Variants in DCK observed in about 807,000 individuals in gnomAD.
DCK encodes deoxycytidine kinase, also known as deoxyadenosine kinase.
Under a neutral mutation model 38.3 loss-of-function variants are expected in DCK, and 23 were observed. The ratio of observed to expected loss-of-function variants is 0.60; its 90% CI spans 0.43 to 0.85. The LOEUF is 0.85. DCK is among the 40% of genes least tolerant of loss of function. The probability of loss-of-function intolerance (pLI) is 0.00; values close to 1 mark genes in which losing one functional copy is unlikely to be tolerated. For missense variants in DCK, 259 were observed against 304.4 expected, an observed-to-expected ratio of 0.85 and a Z score of 1.11; for synonymous variants, 108 against 100.6, an observed-to-expected ratio of 1.07 and a Z score of -0.44.
At chr4:71,001,680 A>G (rs192785996) in intron 2 of DCK, among the ~76,000 whole-genome samples, 6 of 152,096 alleles carry the variant, frequency 3.9e-5, no homozygotes, top group African/African-American at 4.8e-5. Context: ...TGGTCTGTTC[A>G]TTAAACCAGA....
chr4:71,016,989 A>C, intron 2 of DCK, among the ~76,000 whole-genome samples: 1 of 152,252 alleles, frequency 6.6e-6, no homozygotes. Flanking sequence ...CATCAGAGTG[A>C]ACAGGCAACC....
intron 2 of DCK, among the ~76,000 whole-genome samples, chr4:71,001,249 G>A (rs187812733): frequency 2.6e-5 from 4 of 152,180 alleles, no homozygotes; most frequent in African/African-American, 7.2e-5. Context: ...ATAATCATGC[G>A]GTTTTTGTCA....
Position 70,998,118 on chromosome 4 carries a change from G to A in DCK, c.143G>A (p.Trp48Ter). ...VNILKQLCED[W>*]EVVPEPVARW... ...ATCCTTAAACAATTGTGTGAAGATT[G>A]GGAAGTGGTTCCTGAACCTGTTGCC... is the stretch of plus-strand genomic sequence containing the variant. The change falls in exon 2 of 7, where the codon TGG becomes TAG. Residue 48 changes from tryptophan to a stop codon, truncating the protein, a stop_gained. Coordinates refer to ENST00000286648, the MANE Select transcript of DCK (RefSeq NM_000788.3). LOFTEE classifies it high-confidence loss of function. 6.2e-7 allele frequency: 1 copy of A among 1,609,338 alleles called. No homozygotes were observed. The highest frequency in any genetic ancestry group is 1.1e-5 in the South Asian group (1 of 90,454).
intron 2 of DCK, among the ~76,000 whole-genome samples, chr4:71,017,094 A>G (rs1560685959): frequency 1.3e-5 from 2 of 152,226 alleles, no homozygotes. Flanking sequence ...CAAGAAAAAA[A>G]CAACCCCATC....
chr4:70,998,464 T>C (rs1739708787), intron 2 of DCK, among the ~76,000 whole-genome samples: 5 of 152,170 alleles, frequency 3.3e-5, no homozygotes, highest in South Asian at 2.1e-4. Flanking sequence ...AGCATTTACA[T>C]TGTATTAAGT....
intron 2 of DCK, among the ~76,000 whole-genome samples, chr4:71,000,563 C>T (rs1739777900): frequency 6.6e-6 from 1 of 152,120 alleles, no homozygotes; most frequent in African/African-American, 2.4e-5. Flanking sequence ...TGAAGAAAGT[C>T]AATGGTAGCT....
chr4:71,011,244 T>TC (rs1740082396), intron 2 of DCK, among the ~76,000 whole-genome samples: 1 of 150,680 alleles, frequency 6.6e-6, no homozygotes, highest in Admixed American at 6.6e-5. Flanking sequence ...TTTTTTTTTT[T>TC]TTTTTTTTTT....
chr4:70,995,687 A>G (rs1203499953), intron 1 of DCK, among the ~76,000 whole-genome samples: 2 of 152,188 alleles, frequency 1.3e-5, no homozygotes, highest in African/African-American at 4.8e-5. Context: ...CATCATATTT[A>G]GAAATATTTC....
intron 2 of DCK, among the ~76,000 whole-genome samples, chr4:71,008,662 A>G (rs1740014189): frequency 6.6e-6 from 1 of 152,196 alleles, no homozygotes; most frequent in South Asian, 2.1e-4. Flanking sequence ...AATAGAGGGT[A>G]TTCTTAAACA....
At chr4:71,029,322 A>G (rs199819411) in intron 6 of DCK, 30 bp from the exon 7 acceptor site, 3 of 1,517,348 alleles carry the variant, frequency 2.0e-6, no homozygotes, top group Non-Finnish European at 2.7e-6. Context: ...TCAAGGAATT[A>G]TACTGATTTT....
intron 2 of DCK, among the ~76,000 whole-genome samples, chr4:71,017,960 C>T (rs1175335786): frequency 5.3e-5 from 8 of 151,942 alleles, no homozygotes; most frequent in Non-Finnish European, 1.2e-4. Context: ...CAATTAAAAT[C>T]GTTGTTAAAA....
At chr4:71,009,470 T>A (rs1202054195) in intron 2 of DCK, among the ~76,000 whole-genome samples, 1 of 152,228 alleles carries the variant, frequency 6.6e-6, no homozygotes, top group Non-Finnish European at 1.5e-5. Flanking sequence ...TTGTCTTCAT[T>A]TTAAGACTTA....
At chr4:71,008,925 A>C (rs984914366) in intron 2 of DCK, among the ~76,000 whole-genome samples, 1 of 152,342 alleles carries the variant, frequency 6.6e-6, no homozygotes, top group East Asian at 1.9e-4. Context: ...GTTTGAACAC[A>C]TGGAGATAGA....
At chr4:71,029,274 C>A in intron 6 of DCK, 78 bp from the exon 7 acceptor site, 1 of 942,658 alleles carries the variant, frequency 1.1e-6, no homozygotes, top group Non-Finnish European at 1.6e-6. Flanking sequence ...CTATTATATA[C>A]TTTTAAATGA....
intron 2 of DCK, among the ~76,000 whole-genome samples, chr4:71,013,760 C>G (rs1025828005): frequency 4.6e-5 from 7 of 152,122 alleles, no homozygotes; most frequent in African/African-American, 1.7e-4. Context: ...CGGAAGGAAG[C>G]ACTAAACATA....
rs72552094 is a variant in DCK at position 71,030,572 on chromosome 4, C to T, written c.*1194C>T. The T allele has an allele frequency of 2.0e-4, 31 of 151,996 alleles. No homozygotes were observed. The highest frequency in any genetic ancestry group is 6.8e-3 in the Middle Eastern group (2 of 294). The allele number at this position is 151,996 out of a possible 1,614,324, so 9.4% of individuals were successfully genotyped here. A position where few individuals can be genotyped will look rare whatever the true frequency, so the allele number is the denominator to read the frequency against. The stretch of plus-strand genomic sequence containing the variant: ...ACCATACATAAACTGTCTCATTATA[C>T]GTATGCATTTTTTTAGTTTGTTTTT... On this transcript the variant is annotated 3_prime_UTR_variant, in exon 7 of 7. Transcript: ENST00000286648.
chr4:71,024,845 T>C (rs1740509203), intron 4 of DCK, among the ~76,000 whole-genome samples: 1 of 152,076 alleles, frequency 6.6e-6, no homozygotes. Context: ...ATATAATAAT[T>C]TTGAAATTCA....
chr4:71,006,320 G>C, intron 2 of DCK: 1 of 955,832 alleles, frequency 1.0e-6, no homozygotes, highest in Non-Finnish European at 1.2e-6. Flanking sequence ...GAGGAAGAAA[G>C]AGAATGACAG....
In DCK at chr4:71,004,815, A is replaced by T. The variant is rs187478115; in HGVS notation, c.207+6633A>T. Among the ~76,000 whole-genome samples the T allele has an allele frequency of 1.2e-3, 183 of 152,268 alleles. 1 individual carries two copies. The highest frequency in any genetic ancestry group is 3.9e-3 in the African/African-American group (164 of 41,576). On this transcript the variant is annotated intron_variant, in intron 2 of 6. Transcript: ENST00000286648. Reference sequence around the variant, plus strand: ...ATGGCGGGCACCCCTCCCCCCACCAAGCTTCAGTGTCTCAGGTTGACTTCA... The same window carrying T: ...ATGGCGGGCACCCCTCCCCCCACCATGCTTCAGTGTCTCAGGTTGACTTCA...
Sources: gnomAD v4.1 joint callset for allele counts (sites outside exome capture counted in the v4.1 genomes callset) on GRCh38, gnomAD v4.1.1 for gene constraint, MANE v1.5 for transcripts, NCBI Gene and HGNC (gene_info 2026-07-23, HGNC 2026-07-21) for gene names.